DYNC2H1: variants seen among roughly 807,000 people sequenced by gnomAD.
The protein encoded by DYNC2H1 is dynein cytoplasmic 2 heavy chain 1, also known as cytoplasmic dynein 2 heavy chain 1.
In DYNC2H1, 410 loss-of-function variants were observed where a neutral mutation model predicts 570.0. The observed-to-expected ratio is 0.72, with a 90% CI of 0.66 to 0.78. DYNC2H1 has a LOEUF of 0.78. Ranked by LOEUF, DYNC2H1 falls within the 30% of genes least tolerant of loss-of-function variation. The pLI, the probability that DYNC2H1 is intolerant of heterozygous loss-of-function variation, is 0.00. For missense variants in DYNC2H1, 4,865 were observed against 5,046.4 expected (o/e 0.96, Z 1.09); for synonymous variants, 1,688 against 1,677.6 (o/e 1.01, Z -0.15).
At chr11:103,236,394 C>A in intron 62 of DYNC2H1, 36 bp from the exon 63 acceptor site, 1 of 1,182,480 alleles carries the variant, frequency 8.5e-7, no homozygotes, top group Non-Finnish European at 1.3e-6. Flanking sequence ...AGTACAAGAT[C>A]GTTGTGAAGT....
At chr11:103,237,209 A>G (rs1277208308) in intron 63 of DYNC2H1, among the ~76,000 whole-genome samples, 1 of 151,960 alleles carries the variant, frequency 6.6e-6, no homozygotes, top group Non-Finnish European at 1.5e-5. Flanking sequence ...CTTTCTGTCA[A>G]TAGTTTATAT....
rs1866094601 is a variant in DYNC2H1, at chr11:103,280,664, T to G, written c.10761+251T>G. Among the ~76,000 whole-genome samples, 1 of 152,098 alleles carries G rather than the reference T, an allele frequency of 6.6e-6. No individual in the cohort carries two copies. The highest frequency in any genetic ancestry group is 1.5e-5 in the Non-Finnish European group (1 of 67,976). On this transcript the variant is annotated intron_variant, in intron 71 of 88. Coordinates refer to ENST00000375735, the MANE Select transcript of DYNC2H1 (RefSeq NM_001377.3). This position sits in a 1 kb window ranked among gnomAD's most constrained non-coding sequence, Gnocchi z 4.7. ...CTGCCTACATTTTTCTGAACCCAAG[T>G]TCACTTACTTAGGGCAACAGAAGAG...
chr11:103,117,922 T>G, intron 6 of DYNC2H1, 59 bp downstream of exon 6: 1 of 1,377,268 alleles, frequency 7.3e-7, no homozygotes, highest in Non-Finnish European at 9.8e-7. Context: ...TTCACTTGTT[T>G]GTAAATGTAT....
intron 85 of DYNC2H1, among the ~76,000 whole-genome samples, chr11:103,453,537 C>G (rs1944679448): frequency 6.6e-6 from 1 of 150,458 alleles, no homozygotes; most frequent in South Asian, 2.1e-4. Flanking sequence ...AACATTTTTA[C>G]TAAAAGAGCT....
chr11:103,245,141 A>T lies in DYNC2H1; in HGVS notation c.9919-110A>T. ...AGTAATTTATTACCTATAGAATCTG[A>T]AATTGTGTTTCTATAACATTTTGAA... On this transcript the variant is annotated intron_variant, in intron 64 of 88. Transcript: ENST00000375735. The surrounding 1 kb of genome is among the most constrained non-coding windows in gnomAD (Gnocchi z 4.5). The T allele has an allele frequency of 1.0e-6, 1 of 959,734 alleles. No homozygotes were observed. Among genetic ancestry groups the T allele is most frequent in the South Asian group, 1.8e-5 (1 of 54,460 alleles). 59.5% of individuals were successfully genotyped at this position (959,734 alleles called of 1,614,324 possible).
Position 103,256,322 on chromosome 11 carries a change from C to A in DYNC2H1, c.10461+82C>A. Reference sequence around the variant, plus strand: ...TATGATAGAAAATGTAGAATCAGGTCCTCAGGGGAAAGATGATGTGAAAAG... The same window carrying A: ...TATGATAGAAAATGTAGAATCAGGTACTCAGGGGAAAGATGATGTGAAAAG... On this transcript the variant is annotated intron_variant, in intron 68 of 88. Coordinates refer to ENST00000375735, the MANE Select transcript of DYNC2H1 (RefSeq NM_001377.3). This position sits in a 1 kb window ranked among gnomAD's most constrained non-coding sequence, Gnocchi z 4.0. 1 of 1,344,020 alleles carries A rather than the reference C, an allele frequency of 7.4e-7. No individual in the cohort carries two copies. 83.3% of individuals were successfully genotyped at this position (1,344,020 alleles called of 1,614,324 possible).
chr11:103,128,408 T>C (rs1220712292), intron 12 of DYNC2H1, among the ~76,000 whole-genome samples: 1 of 151,846 alleles, frequency 6.6e-6, no homozygotes, highest in Non-Finnish European at 1.5e-5. Flanking sequence ...TTGATGGGGG[T>C]TGGGGAAAGT....
intron 87 of DYNC2H1, among the ~76,000 whole-genome samples, chr11:103,467,131 T>C (rs1023987734): frequency 1.3e-5 from 2 of 152,114 alleles, no homozygotes; most frequent in African/African-American, 4.8e-5. Context: ...ATTGGAAACA[T>C]GAAAAACAAT....
intron 39 of DYNC2H1, among the ~76,000 whole-genome samples, chr11:103,179,533 G>C (rs1861763215): frequency 6.6e-6 from 1 of 151,682 alleles, no homozygotes. Context: ...TCAGAGAAGT[G>C]AACATATTAA....
At position 103,161,021 on chromosome 11, in the gene DYNC2H1, G is replaced by A. The variant is rs1861069724; in HGVS notation, c.4468G>A (p.Val1490Ile). 6 of 1,520,418 alleles carry A rather than the reference G, an allele frequency of 3.9e-6. No homozygotes were observed. Among genetic ancestry groups the A allele is most frequent in the Non-Finnish European group, 5.3e-6 (6 of 1,133,940 alleles). 94.2% of individuals were successfully genotyped at this position (1,520,418 alleles called of 1,614,324 possible). A position where few individuals can be genotyped will look rare whatever the true frequency, so the allele number is the denominator to read the frequency against. Reference protein sequence around the residue: ...EGEVVPFKNKVPLSNNVETWL... With the variant: ...EGEVVPFKNKIPLSNNVETWL... ...AGAAGTTGTACCTTTTAAAAATAAA[G>A]TTCCTCTATCAAATAATGTAGAGGT... Residue 1490 changes from valine to isoleucine, a missense_variant, in exon 29 of 89, where the codon GTT becomes ATT. By Grantham distance (29) the Val-to-Ile change is conservative. Coordinates refer to ENST00000375735, the MANE Select transcript of DYNC2H1 (RefSeq NM_001377.3).
At chr11:103,220,085 G>T in intron 56 of DYNC2H1, 57 bp downstream of exon 56, 1 of 980,492 alleles carries the variant, frequency 1.0e-6, no homozygotes, top group Non-Finnish European at 1.4e-6. Context: ...GTTATATGTA[G>T]GAATTTAAAC....
intron 29 of DYNC2H1, among the ~76,000 whole-genome samples, chr11:103,162,377 T>C (rs1305129047): frequency 6.6e-6 from 1 of 152,204 alleles, no homozygotes; most frequent in East Asian, 1.9e-4. Flanking sequence ...AAATGATATA[T>C]TTTTAAGGTT....
At chr11:103,169,242 A>G (rs1861467355) in intron 32 of DYNC2H1, among the ~76,000 whole-genome samples, 1 of 152,126 alleles carries the variant, frequency 6.6e-6, no homozygotes, top group African/African-American at 2.4e-5. Flanking sequence ...ATATATCTTC[A>G]TCCAAGGAGA....
Position 103,299,759 on chromosome 11 carries a change from C to A in DYNC2H1, c.11096-3334C>A, listed in dbSNP as rs1307560828. 1.3e-5 allele frequency among the ~76,000 whole-genome samples: 2 copies of A among 152,082 alleles called. No individual in the cohort carries two copies. Among genetic ancestry groups the A allele is most frequent in the South Asian group, 2.1e-4 (1 of 4,826 alleles). ...ACTTTTAGGTTCATGACCTTAGTTACATTTGCAAAGTCCCTTCACAGCAGT... is the reference window on the plus strand; with the variant it reads ...ACTTTTAGGTTCATGACCTTAGTTAAATTTGCAAAGTCCCTTCACAGCAGT... On this transcript the variant is annotated intron_variant, in intron 75 of 88. Coordinates refer to ENST00000375735, the MANE Select transcript of DYNC2H1 (RefSeq NM_001377.3). This position sits in a 1 kb window ranked among gnomAD's most constrained non-coding sequence, Gnocchi z 4.5.
chr11:103,124,997 G>A, intron 11 of DYNC2H1, 103 bp from the exon 12 acceptor site: 1 of 790,830 alleles, frequency 1.3e-6, no homozygotes. Context: ...TTTTTACTTT[G>A]AGCTAATATT....
intron 17 of DYNC2H1, among the ~76,000 whole-genome samples, chr11:103,139,699 G>T (rs1247957347): frequency 4.0e-5 from 6 of 151,796 alleles, no homozygotes; most frequent in South Asian, 2.1e-4. Context: ...CTGTTGATCT[G>T]GGGTGGAGAG....
intron 59 of DYNC2H1, among the ~76,000 whole-genome samples, chr11:103,225,020 C>T (rs926210771): frequency 6.6e-6 from 1 of 152,082 alleles, no homozygotes; most frequent in African/African-American, 2.4e-5. Flanking sequence ...AGCATTTTTC[C>T]ATATGCTTGT....
At chr11:103,262,767 T>C (rs978148613) in intron 70 of DYNC2H1, among the ~76,000 whole-genome samples, 9 of 151,872 alleles carry the variant, frequency 5.9e-5, no homozygotes, top group African/African-American at 1.9e-4. Context: ...GTAAAGACCA[T>C]CAACACTATG....
intron 32 of DYNC2H1, among the ~76,000 whole-genome samples, 183 bp downstream of exon 32, chr11:103,169,143 A>C (rs928228066): frequency 6.6e-6 from 1 of 152,236 alleles, no homozygotes; most frequent in Non-Finnish European, 1.5e-5. Context: ...ACTTCATTCT[A>C]TATACAAAAA....
Sources: allele counts gnomAD v4.1 joint callset (sites outside exome capture counted in the v4.1 genomes callset), GRCh38; gene constraint gnomAD v4.1.1; non-coding constraint Gnocchi (gnomAD v3.1); transcripts MANE v1.5; gene names NCBI Gene and HGNC (gene_info 2026-07-23, HGNC 2026-07-21).